The following LINGO2 variants were observed in gnomAD, a reference collection of about 807,000 sequenced individuals.
LINGO2 encodes the protein leucine-rich repeat and immunoglobulin-like domain-containing nogo receptor-interacting protein 2.
LINGO2 carries 14 observed loss-of-function variants against 30.6 expected under a neutral mutation model. The ratio of observed to expected loss-of-function variants is 0.46; its 90% CI spans 0.30 to 0.72. The LOEUF (loss-of-function observed/expected upper bound fraction) is 0.72, where lower values mean the gene tolerates loss of function less well. LINGO2 is among the 30% of genes least tolerant of loss of function. The pLI is 0.07. For synonymous variants in LINGO2, 317 were observed against 288.5 expected, an observed-to-expected ratio of 1.10 and a Z score of -1.00; for missense variants, 729 against 751.7, an observed-to-expected ratio of 0.97 and a Z score of 0.35.
chr9:29,033,102 T>C, the LINGO2 span, among the ~76,000 whole-genome samples: 1 of 152,170 alleles, frequency 6.6e-6, no homozygotes, highest in African/African-American at 2.4e-5. Flanking sequence ...GCCTTGTCAT[T>C]AAATTGGAAC....
intron 2 of LINGO2, among the ~76,000 whole-genome samples, chr9:28,375,195 C>T (rs1312863737): frequency 1.3e-5 from 2 of 151,812 alleles, no homozygotes; most frequent in Non-Finnish European, 2.9e-5. Context: ...GCAATGGGAC[C>T]GTTCAATTAT....
At position 28,119,464 on chromosome 9, in the gene LINGO2, A is replaced by G. The variant is rs143914919; in HGVS notation, c.-86-107059T>C. ...TACTTGGGCAGGTTAATACAGTCTT[A>G]GTCTTGATTTATCTTTAAAATGGGC... On this transcript the variant is annotated intron_variant, in intron 4 of 5. Coordinates refer to ENST00000379992, the Ensembl canonical transcript of LINGO2. Among the ~76,000 whole-genome samples, 563 of 152,338 alleles carry G rather than the reference A, an allele frequency of 3.7e-3. 8 individuals carry two copies. Among genetic ancestry groups the G allele is most frequent in the African/African-American group, 0.013 (540 of 41,588 alleles).
the LINGO2 span, among the ~76,000 whole-genome samples, chr9:28,736,741 G>A: frequency 7.2e-5 from 11 of 152,232 alleles, no homozygotes; most frequent in Admixed American, 2.6e-4. Context: ...GCAGTGAGCC[G>A]AGATCACCAC....
At chr9:29,036,006 A>C in the LINGO2 span, among the ~76,000 whole-genome samples, 6 of 152,114 alleles carry the variant, frequency 3.9e-5, no homozygotes, top group Non-Finnish European at 7.4e-5. Flanking sequence ...TTAGAAAGAC[A>C]TGGGAAGTCA....
At chr9:28,071,748 C>T (rs1825483803) in intron 4 of LINGO2, among the ~76,000 whole-genome samples, 1 of 152,010 alleles carries the variant, frequency 6.6e-6, no homozygotes, top group East Asian at 1.9e-4. Context: ...GTTCTAAGAG[C>T]TGTCTGTCAC....
At chr9:28,279,626 A>G (rs1367945332) in intron 4 of LINGO2, among the ~76,000 whole-genome samples, 1 of 152,218 alleles carries the variant, frequency 6.6e-6, no homozygotes, top group African/African-American at 2.4e-5. Flanking sequence ...TACACTTAAT[A>G]AACTACAGTA....
At chr9:29,081,516 T>C in the LINGO2 span, among the ~76,000 whole-genome samples, 2 of 152,112 alleles carry the variant, frequency 1.3e-5, no homozygotes, top group Non-Finnish European at 2.9e-5. Context: ...CTTTGAAAAC[T>C]GGCACAAGAC....
At chr9:28,801,722 A>T in the LINGO2 span, among the ~76,000 whole-genome samples, 1 of 152,058 alleles carries the variant, frequency 6.6e-6, no homozygotes, top group Non-Finnish European at 1.5e-5. Context: ...TTAATTGAAT[A>T]AAAAAACTGT....
the LINGO2 span, chr9:27,941,676 G>C: frequency 2.6e-5 from 4 of 152,124 alleles, no homozygotes; most frequent in African/African-American, 4.8e-5. Context: ...GATGACACCT[G>C]CCTGAACACA....
At chr9:28,923,688 C>A in the LINGO2 span, among the ~76,000 whole-genome samples, 2 of 152,102 alleles carry the variant, frequency 1.3e-5, no homozygotes, top group African/African-American at 4.8e-5. Context: ...CACTTAGGAA[C>A]TATCAACTAA....
At chr9:28,653,357 C>T (rs1828194174) in intron 1 of LINGO2, among the ~76,000 whole-genome samples, 1 of 152,126 alleles carries the variant, frequency 6.6e-6, no homozygotes, top group Non-Finnish European at 1.5e-5. Flanking sequence ...CAATTAAATG[C>T]TTAGACTTGG....
chr9:28,391,314 G>A (rs997881626), intron 2 of LINGO2, among the ~76,000 whole-genome samples: 1 of 152,092 alleles, frequency 6.6e-6, no homozygotes, highest in Non-Finnish European at 1.5e-5. Flanking sequence ...AGAAATTAGA[G>A]CTTATATCTA....
At chr9:28,845,929 C>A in the LINGO2 span, among the ~76,000 whole-genome samples, 2 of 151,438 alleles carry the variant, frequency 1.3e-5, no homozygotes, top group East Asian at 1.9e-4. Flanking sequence ...ATTAAATTAG[C>A]CCACTGGAGG....
chr9:28,267,004 A>T (rs1822774924), intron 4 of LINGO2, among the ~76,000 whole-genome samples: 1 of 152,038 alleles, frequency 6.6e-6, no homozygotes, highest in Non-Finnish European at 1.5e-5. Flanking sequence ...TTTGTTACTC[A>T]TGGTTCCAGG....
At chr9:28,489,896 C>CAAAAAAAAAAAAA (rs36068240) in intron 1 of LINGO2, among the ~76,000 whole-genome samples, 1 of 66,920 alleles carries the variant, frequency 1.5e-5, no homozygotes, top group African/African-American at 5.5e-5. Context: ...GACTTTGTCT[C>CAAAAAAAAAAAAA]AAAAAAAAAA....
At chr9:29,022,888 A>T in the LINGO2 span, among the ~76,000 whole-genome samples, 1 of 151,926 alleles carries the variant, frequency 6.6e-6, no homozygotes. Flanking sequence ...CTAGCATGTT[A>T]TCTGGTATTT....
At chr9:28,118,249 G>A (rs1826991992) in intron 4 of LINGO2, among the ~76,000 whole-genome samples, 1 of 152,102 alleles carries the variant, frequency 6.6e-6, no homozygotes, top group Non-Finnish European at 1.5e-5. Flanking sequence ...ATAAAAATTA[G>A]AGTCCAGAGA....
At chr9:28,822,133 T>C in the LINGO2 span, among the ~76,000 whole-genome samples, 82 of 152,146 alleles carry the variant, frequency 5.4e-4, no homozygotes, top group African/African-American at 1.9e-3. Flanking sequence ...TCCAGTCCCA[T>C]GGAAGCCAAG....
chr9:29,110,423 C>A, the LINGO2 span, among the ~76,000 whole-genome samples: 2 of 151,870 alleles, frequency 1.3e-5, no homozygotes, highest in Admixed American at 1.3e-4. Context: ...AGCTCCACCT[C>A]CCGAGTTCAC....
Sources: allele counts gnomAD v4.1 joint callset (sites outside exome capture counted in the v4.1 genomes callset), GRCh38; gene constraint gnomAD v4.1.1; transcripts MANE v1.5; gene names NCBI Gene and HGNC (gene_info 2026-07-23, HGNC 2026-07-21).